TOP1: variants seen among roughly 807,000 people sequenced by gnomAD.
TOP1 encodes DNA topoisomerase I, also known as DNA topoisomerase 1.
In TOP1, 10 loss-of-function variants were observed where a neutral mutation model predicts 111.1. The observed-to-expected ratio is 0.09, with a 90% confidence interval of 0.06 to 0.15. The LOEUF (loss-of-function observed/expected upper bound fraction) is 0.15, where lower values mean the gene tolerates loss of function less well. Ranked by LOEUF, TOP1 falls within the 10% of genes least tolerant of loss-of-function variation. The probability of loss-of-function intolerance (pLI) is 1.00; values close to 1 mark genes in which losing one functional copy is unlikely to be tolerated. For missense variants in TOP1, 474 were observed against 926.7 expected (o/e 0.51, Z 6.34); for synonymous variants, 271 against 302.9 (o/e 0.89, Z 1.10).
rs760247672 is a variant in TOP1 at position 41,114,194 on chromosome 20, T to C, written c.1638+39T>C. The C allele has an allele frequency of 1.4e-5, 22 of 1,555,254 alleles. No individual in the cohort carries two copies. Among genetic ancestry groups the C allele is most frequent in the Non-Finnish European group, 1.8e-5 (21 of 1,138,570 alleles). The stretch of plus-strand genomic sequence containing the variant: ...CCTGTACTGTCTGACTTGTTTTCCA[T>C]TATTCAACAAGCATGGGTTGACTGC... On this transcript the variant is annotated intron_variant, in intron 15 of 20. Transcript: ENST00000361337. This position sits in a 1 kb window ranked among gnomAD's most constrained non-coding sequence, Gnocchi z 4.5.
intron 8 of TOP1, among the ~76,000 whole-genome samples, 162 bp downstream of exon 8, chr20:41,084,730 G>T (rs2145940668): frequency 6.6e-6 from 1 of 152,304 alleles, no homozygotes; most frequent in African/African-American, 2.4e-5. Context: ...AACTTCTAGT[G>T]AAATCATTAA....
intron 4 of TOP1, among the ~76,000 whole-genome samples, chr20:41,076,922 T>C (rs1006425623): frequency 9.2e-5 from 14 of 152,322 alleles, no homozygotes; most frequent in African/African-American, 3.1e-4. Context: ...ATAGATACTC[T>C]GTATATCTGT....
rs1176447852 is a variant in TOP1, at chr20:41,058,739, T to A, written c.59-2655T>A. Among the ~76,000 whole-genome samples, 1 of 151,986 alleles carries A rather than the reference T, an allele frequency of 6.6e-6. No individual in the cohort carries two copies. Among genetic ancestry groups the A allele is most frequent in the Non-Finnish European group, 1.5e-5 (1 of 68,002 alleles). On this transcript the variant is annotated intron_variant, in intron 2 of 20. Coordinates refer to ENST00000361337, the MANE Select transcript of TOP1 (RefSeq NM_003286.4). This position sits in a 1 kb window ranked among gnomAD's most constrained non-coding sequence, Gnocchi z 4.2. Reference sequence around the variant, plus strand: ...AGGCTATACCTCTTGAAAAGCGGAGTAACAAACAATCTTATAGTCAAGATT... The same window carrying A: ...AGGCTATACCTCTTGAAAAGCGGAGAAACAAACAATCTTATAGTCAAGATT...
In TOP1 at chr20:41,029,087, A is replaced by G. The variant is rs771124146; in HGVS notation, c.20A>G (p.His7Arg). 6.5e-7 allele frequency: 1 copy of G among 1,535,904 alleles called. No individual in the cohort carries two copies. The highest frequency in any genetic ancestry group is 1.2e-5 in the South Asian group (1 of 83,520). MSGDHL[H>R]NDSQIEADFR... ...GCCGACATGAGTGGGGACCACCTCC[A>G]CAACGATTCCCAGGTACGGCCCGGC... Residue 7 changes from histidine to arginine, a missense_variant, in exon 1 of 21, where the codon CAC (histidine) becomes CGC (arginine). Coordinates refer to ENST00000361337, the MANE Select transcript of TOP1 (RefSeq NM_003286.4). This position sits in a 1 kb window ranked among gnomAD's most constrained non-coding sequence, Gnocchi z 6.1.
chr20:41,108,697 G>A (rs764015218), intron 13 of TOP1, among the ~76,000 whole-genome samples: 2 of 152,068 alleles, frequency 1.3e-5, no homozygotes, highest in African/African-American at 4.8e-5. Context: ...TCTGTGCCTG[G>A]TGCCCGTAGG....
intron 8 of TOP1, among the ~76,000 whole-genome samples, chr20:41,088,654 C>CAT (rs1555805391): frequency 2.6e-5 from 4 of 152,044 alleles, no homozygotes; most frequent in East Asian, 3.9e-4. Flanking sequence ...CATACACCTA[C>CAT]ATATATATAT....
At chr20:41,103,480 C>T (rs977512213) in intron 13 of TOP1, among the ~76,000 whole-genome samples, 4 of 152,126 alleles carry the variant, frequency 2.6e-5, no homozygotes, top group African/African-American at 9.7e-5. Flanking sequence ...TTCACTTCAG[C>T]AAGATTTACA....
chr20:41,078,498 G>A lies in TOP1; in HGVS notation c.335+861G>A, dbSNP rs2145936614. Among the ~76,000 whole-genome samples, 1 of 152,282 alleles carries A rather than the reference G, an allele frequency of 6.6e-6. No individual in the cohort carries two copies. The highest frequency in any genetic ancestry group is 6.5e-5 in the Admixed American group (1 of 15,298). ...TGACAATTGTGCCTGGTACTCTGGG[G>A]TCCTTTAGACAAGGAGAAAAGCAGG... is the stretch of plus-strand genomic sequence containing the variant. On this transcript the variant is annotated intron_variant, in intron 5 of 20. Coordinates refer to ENST00000361337, the MANE Select transcript of TOP1 (RefSeq NM_003286.4). The surrounding 1 kb of genome is among the most constrained non-coding windows in gnomAD (Gnocchi z 5.3).
At position 41,084,330 on chromosome 20, in the gene TOP1, G is replaced by C. The variant is rs1186964742; in HGVS notation, c.508-132G>C. ...ACATTGTTATTCATCTGTCAAATGA[G>C]AGGAGTACTAAGATCTTCTTTAGTT... On this transcript the variant is annotated intron_variant, in intron 7 of 20. Transcript: ENST00000361337. 1.5e-5 allele frequency: 7 copies of C among 458,922 alleles called. No homozygotes were observed. The Admixed American group carries it at 2.5e-4, about 16-fold the overall frequency. 28.4% of individuals were successfully genotyped at this position (458,922 alleles called of 1,614,324 possible).
intron 2 of TOP1, among the ~76,000 whole-genome samples, chr20:41,037,593 G>T (rs545372159): frequency 1.3e-5 from 2 of 152,158 alleles, no homozygotes; most frequent in Non-Finnish European, 2.9e-5. Context: ...ACCAAATGCC[G>T]TGTTAACAGT....
chr20:41,076,799 C>T (rs563657581), intron 4 of TOP1, among the ~76,000 whole-genome samples: 1 of 152,110 alleles, frequency 6.6e-6, no homozygotes, highest in Non-Finnish European at 1.5e-5. Flanking sequence ...TTGGTAAATT[C>T]AGATACTATG....
At position 41,115,576 on chromosome 20, in the gene TOP1, T is replaced by G; in HGVS notation, c.1707+137T>G. 3 of 619,724 alleles carry G rather than the reference T, an allele frequency of 4.8e-6. No individual in the cohort carries two copies. The highest frequency in any genetic ancestry group is 8.7e-6 in the Non-Finnish European group (3 of 346,012). The allele number at this position is 619,724 out of a possible 1,614,324, so 38.4% of individuals were successfully genotyped here. ...TCTGTGGCATCCCATACACTCTCTC[T>G]TCCTCCCTCTGAGTCCACGGTGAAT... is the stretch of plus-strand genomic sequence containing the variant. On this transcript the variant is annotated intron_variant, in intron 16 of 20. Transcript: ENST00000361337. The surrounding 1 kb of genome is among the most constrained non-coding windows in gnomAD (Gnocchi z 6.3).
intron 2 of TOP1, among the ~76,000 whole-genome samples, chr20:41,036,176 C>A (rs2033182601): frequency 6.6e-6 from 1 of 152,116 alleles, no homozygotes; most frequent in Non-Finnish European, 1.5e-5. Flanking sequence ...TGATAACATG[C>A]TGCCTTGGTC....
intron 2 of TOP1, among the ~76,000 whole-genome samples, chr20:41,060,085 T>C (rs2033526505): frequency 1.3e-5 from 2 of 152,246 alleles, no homozygotes; most frequent in Admixed American, 1.3e-4. Context: ...GATGGAGATA[T>C]ACAATGGTAC....
At chr20:41,084,263 C>T (rs1316552267) in intron 7 of TOP1, among the ~76,000 whole-genome samples, 199 bp from the exon 8 acceptor site, 2 of 151,864 alleles carry the variant, frequency 1.3e-5, no homozygotes, top group Non-Finnish European at 2.9e-5. Flanking sequence ...AGTTGTTTGT[C>T]AGGAAATTTT....
intron 3 of TOP1, among the ~76,000 whole-genome samples, chr20:41,074,370 A>G (rs2033700740): frequency 6.6e-6 from 1 of 152,202 alleles, no homozygotes; most frequent in Non-Finnish European, 1.5e-5. Context: ...TCATGAGTTA[A>G]AAAGAATTTT....
In TOP1 at chr20:41,100,734, G is replaced by A. The variant is rs2034050977; in HGVS notation, c.1164-475G>A. 1 of 161,752 alleles carries A rather than the reference G, an allele frequency of 6.2e-6. No individual in the cohort carries two copies. Among genetic ancestry groups the A allele is most frequent in the Admixed American group, 6.0e-5 (1 of 16,732 alleles). 10.0% of individuals were successfully genotyped at this position (161,752 alleles called of 1,614,324 possible). On this transcript the variant is annotated intron_variant, in intron 12 of 20. Coordinates refer to ENST00000361337, the MANE Select transcript of TOP1 (RefSeq NM_003286.4). The surrounding 1 kb of genome is among the most constrained non-coding windows in gnomAD (Gnocchi z 4.4). ...TCCACCTTTTCATTTAAAGCACTCTGTGCAGCTTCTGTATGGCATATCCAA... is the reference window on the plus strand; with the variant it reads ...TCCACCTTTTCATTTAAAGCACTCTATGCAGCTTCTGTATGGCATATCCAA...
At chr20:41,104,765 G>T (rs1267015512) in intron 13 of TOP1, among the ~76,000 whole-genome samples, 3 of 152,186 alleles carry the variant, frequency 2.0e-5, no homozygotes, top group African/African-American at 7.2e-5. Context: ...AAAAAGAAAT[G>T]ATTTCTTGAG....
chr20:41,116,391 C>T lies in TOP1; in HGVS notation c.1821C>T (p.Ala607=). 1 of 1,613,516 alleles carries T rather than the reference C, an allele frequency of 6.2e-7. No homozygotes were observed. Among genetic ancestry groups the T allele is most frequent in the South Asian group, 1.1e-5 (1 of 91,058 alleles). ...AGCAGCAGCTAAAAGAACTGACAGC[C>T]CGTAAGTATTGCTTGGCCAGATAGG... ...TLQQQLKELT[A]PDENIPAKIL... Residue 607 remains alanine, a splice_region_variant and synonymous_variant, in exon 17 of 21, where the codon GCC becomes GCT. Coordinates refer to ENST00000361337, the MANE Select transcript of TOP1 (RefSeq NM_003286.4). This position sits in a 1 kb window ranked among gnomAD's most constrained non-coding sequence, Gnocchi z 5.6.
Sources: gnomAD v4.1 joint callset for allele counts (sites outside exome capture counted in the v4.1 genomes callset) on GRCh38, gnomAD v4.1.1 for gene constraint, Gnocchi (gnomAD v3.1) non-coding constraint, MANE v1.5 for transcripts, NCBI Gene and HGNC (gene_info 2026-07-23, HGNC 2026-07-21) for gene names.